Variants in PCDHGB1 observed in about 807,000 individuals in gnomAD.
The protein encoded by PCDHGB1 is protocadherin gamma-B1.
Under a neutral mutation model 56.6 loss-of-function variants are expected in PCDHGB1, and 34 were observed. The observed-to-expected ratio is 0.60, with a 90% CI of 0.46 to 0.80. The LOEUF (loss-of-function observed/expected upper bound fraction) is 0.80. Ranked by LOEUF, PCDHGB1 falls within the 30% of genes least tolerant of loss-of-function variation. The pLI is 0.00. For synonymous variants in PCDHGB1, 561 were observed against 505.9 expected (o/e 1.11, Z -1.46); for missense variants, 1,278 against 1,204.6 (o/e 1.06, Z -0.90).
intron 1 of PCDHGB1, 138 bp from the exon 2 acceptor site, chr5:141,494,669 T>A: frequency 6.5e-7 from 1 of 1,527,472 alleles, no homozygotes; most frequent in South Asian, 1.2e-5. Context: ...TGGAGATGAG[T>A]CCACCCCTGC....
intron 1 of PCDHGB1, chr5:141,421,777 CG>C (rs760013586): frequency 1.2e-6 from 2 of 1,613,804 alleles, no homozygotes; most frequent in Admixed American, 3.3e-5. Flanking sequence ...CTTGCAACTG[CG>C]GGGCAGAACG....
At chr5:141,366,242 C>T (rs766649335) in intron 1 of PCDHGB1, 1 of 1,613,782 alleles carries the variant, frequency 6.2e-7, no homozygotes, top group East Asian at 2.2e-5. Flanking sequence ...CAGAGACGCG[C>T]TCAAGCAGAG....
intron 1 of PCDHGB1, chr5:141,408,948 T>C (rs768951087): frequency 6.2e-7 from 1 of 1,613,478 alleles, no homozygotes; most frequent in Non-Finnish European, 8.5e-7. Context: ...GAATATAGAA[T>C]TAGTCTTAGT....
chr5:141,409,572 A>G (rs1440637025), intron 1 of PCDHGB1: 2 of 1,613,920 alleles, frequency 1.2e-6, no homozygotes, highest in South Asian at 1.1e-5. Context: ...CAGACGTCCT[A>G]CGTGGTCCAC....
intron 1 of PCDHGB1, among the ~76,000 whole-genome samples, chr5:141,425,482 C>T (rs1257043728): frequency 6.6e-6 from 1 of 152,192 alleles, no homozygotes; most frequent in Non-Finnish European, 1.5e-5. Context: ...CCTATGGCAA[C>T]CTACTAGGCT....
rs145813962 is a variant in PCDHGB1 at position 141,377,375 on chromosome 5, G to A, written c.2409+24706G>A. 13 of 152,264 alleles carry A rather than the reference G, an allele frequency of 8.5e-5. No individual in the cohort carries two copies. The East Asian group carries it at 1.2e-3, about 14-fold the overall frequency. The allele number at this position is 152,264 out of a possible 1,614,324, so 9.4% of individuals were successfully genotyped here. ...AATCCCACCTCTTCAGGAGGCTGAG[G>A]CAGGAGGATCCCTTGAGACCAGGAG... On this transcript the variant is annotated intron_variant, in intron 1 of 3. Transcript: ENST00000523390.
intron 1 of PCDHGB1, among the ~76,000 whole-genome samples, chr5:141,401,455 A>G (rs1589438348): frequency 6.6e-6 from 1 of 152,256 alleles, no homozygotes; most frequent in East Asian, 1.9e-4. Flanking sequence ...AATCATCCAA[A>G]TAATTTTCTA....
rs1471215172 is a variant in PCDHGB1 at position 141,511,840 on chromosome 5, TCTG to T, written c.*668_*670del. 1 of 156,722 alleles carries T rather than the reference TCTG, an allele frequency of 6.4e-6. No homozygotes were observed. Among genetic ancestry groups the T allele is most frequent in the African/African-American group, 2.4e-5 (1 of 41,448 alleles). The allele number at this position is 156,722 out of a possible 1,614,324, so 9.7% of individuals were successfully genotyped here. A position where few individuals can be genotyped will look rare whatever the true frequency, so the allele number is the denominator to read the frequency against. On this transcript the variant is annotated 3_prime_UTR_variant, in exon 4 of 4. Coordinates refer to ENST00000523390, the MANE Select transcript of PCDHGB1 (RefSeq NM_018922.3). ...TTCCCAACGCCCTGGGGACCAGTCTTCTGTTTTGTTTTTCATTGTTTGACGTTT... is the reference window on the plus strand; with the variant it reads ...TTCCCAACGCCCTGGGGACCAGTCTTTTTTGTTTTTCATTGTTTGACGTTT...
Position 141,365,100 on chromosome 5 carries a change from T to C in PCDHGB1, c.2409+12431T>C, listed in dbSNP as rs1763736772. The C allele has an allele frequency of 3.1e-6, 5 of 1,613,846 alleles. No homozygotes were observed. The East Asian group carries it at 1.1e-4, about 36-fold the overall frequency. Reference sequence around the variant, plus strand: ...GTGAGTGTTCCAGAGAACATACCTGTGGGCACTCGGCTGCTCATGCTAACC... The same window carrying C: ...GTGAGTGTTCCAGAGAACATACCTGCGGGCACTCGGCTGCTCATGCTAACC... On this transcript the variant is annotated intron_variant, in intron 1 of 3. Coordinates refer to ENST00000523390, the MANE Select transcript of PCDHGB1 (RefSeq NM_018922.3).
rs200045647 is a variant in PCDHGB1, at chr5:141,490,150, G to A, written c.2410-4657G>A. 50 of 1,614,246 alleles carry A rather than the reference G, an allele frequency of 3.1e-5. No individual in the cohort carries two copies. The Admixed American group carries it at 7.7e-4, about 25-fold the overall frequency. On this transcript the variant is annotated intron_variant, in intron 1 of 3. Transcript: ENST00000523390. The surrounding 1 kb of genome is among the most constrained non-coding windows in gnomAD (Gnocchi z 5.4). ...AGACCCTAGCAGTGGGGCAATCCAT[G>A]TGTTGGGTCCCATAGACTTTGAGGA...
chr5:141,420,845 G>T (rs1038454602), intron 1 of PCDHGB1, among the ~76,000 whole-genome samples: 4 of 152,200 alleles, frequency 2.6e-5, no homozygotes, highest in Non-Finnish European at 4.4e-5. Context: ...GGTGTTCTTG[G>T]TAAAGTTTTA....
rs773899530 is a variant in PCDHGB1 at position 141,494,864 on chromosome 5, G to A, written c.2467G>A (p.Gly823Ser). 1.6e-5 allele frequency: 26 copies of A among 1,613,950 alleles called. No individual in the cohort carries two copies. The Admixed American group carries it at 3.5e-4, about 22-fold the overall frequency. Reference protein sequence around the residue: ...FSQAQRPGTSGSQNGDDTGTW... With the variant: ...FSQAQRPGTSSSQNGDDTGTW... ...TCAGGCCCAGAGACCCGGCACCAGC[G>A]GGTAGGTGACTGATTCTCCAGCCCA... Residue 823 changes from glycine to serine, a missense_variant and splice_region_variant, in exon 2 of 4, where the codon GGC (glycine) becomes AGC (serine). Gly to Ser is a moderately conservative substitution (Grantham distance 56, BLOSUM62 0). Coordinates refer to ENST00000523390, the MANE Select transcript of PCDHGB1 (RefSeq NM_018922.3).
intron 1 of PCDHGB1, chr5:141,471,461 T>C (rs1409374601): frequency 6.6e-6 from 1 of 152,194 alleles, no homozygotes; most frequent in Non-Finnish European, 1.5e-5. Flanking sequence ...GAAAGATTAC[T>C]CAGGTCTCTG....
In PCDHGB1 at chr5:141,352,616, T is replaced by G; in HGVS notation, c.2356T>G (p.Cys786Gly). The G allele has an allele frequency of 6.2e-7, 1 of 1,613,310 alleles. No homozygotes were observed. Among genetic ancestry groups the G allele is most frequent in the Non-Finnish European group, 8.5e-7 (1 of 1,179,564 alleles). ...LLCDDPSMVV[C>G]ASNEDHKIAY... Reference sequence around the variant, plus strand: ...GTGTGATGATCCTTCTATGGTTGTATGTGCCAGTAATGAAGATCACAAAAT... The same window carrying G: ...GTGTGATGATCCTTCTATGGTTGTAGGTGCCAGTAATGAAGATCACAAAAT... Residue 786 changes from cysteine to glycine, a missense_variant, in exon 1 of 4, where the codon TGT (cysteine) becomes GGT (glycine). Coordinates refer to ENST00000523390, the MANE Select transcript of PCDHGB1 (RefSeq NM_018922.3).
chr5:141,357,081 C>T (rs1760456922), intron 1 of PCDHGB1: 3 of 1,613,922 alleles, frequency 1.9e-6, no homozygotes, highest in Non-Finnish European at 2.5e-6. Context: ...GCGAGGTGCG[C>T]ACCGCACGGG....
rs537850909 is a variant in PCDHGB1 at position 141,441,865 on chromosome 5, G to A, written c.2410-52942G>A. ...CTTGGATATGGTGCTGCACGCCGCG[G>A]AGCCTGGCTACCTGGTCACCAAGGT... On this transcript the variant is annotated intron_variant, in intron 1 of 3. Coordinates refer to ENST00000523390, the MANE Select transcript of PCDHGB1 (RefSeq NM_018922.3). The A allele has an allele frequency of 4.0e-4, 138 of 345,718 alleles. 1 individual carries two copies. The Admixed American group carries it at 4.6e-3, about 12-fold the overall frequency. The allele number at this position is 345,718 out of a possible 1,614,324, so 21.4% of individuals were successfully genotyped here. A position where few individuals can be genotyped will look rare whatever the true frequency, so the allele number is the denominator to read the frequency against.
chr5:141,411,285 A>C (rs2095477948), intron 1 of PCDHGB1: 1 of 152,218 alleles, frequency 6.6e-6, no homozygotes, highest in South Asian at 2.1e-4. Flanking sequence ...AAAAATATTC[A>C]GAAGACAGGC....
intron 1 of PCDHGB1, chr5:141,403,303 C>A: frequency 6.2e-7 from 1 of 1,613,820 alleles, no homozygotes; most frequent in African/African-American, 1.3e-5. Context: ...TGAAACTGTA[C>A]GGAATAGAAA....
intron 1 of PCDHGB1, chr5:141,440,348 C>G (rs2098169693): frequency 6.6e-6 from 1 of 152,190 alleles, no homozygotes; most frequent in South Asian, 2.1e-4. Flanking sequence ...GGCCTATAAT[C>G]CTAGCTACTC....
Sources: gnomAD v4.1 joint callset for allele counts (sites outside exome capture counted in the v4.1 genomes callset) on GRCh38, gnomAD v4.1.1 for gene constraint, Gnocchi (gnomAD v3.1) non-coding constraint, MANE v1.5 for transcripts, NCBI Gene and HGNC (gene_info 2026-07-23, HGNC 2026-07-21) for gene names.